The following DNAH7 variants were observed in gnomAD, a reference collection of about 807,000 sequenced individuals.
DNAH7 encodes the protein axonemal beta dynein heavy chain 7.
Under a neutral mutation model 444.6 loss-of-function variants are expected in DNAH7, and 397 were observed. The ratio of observed to expected loss-of-function variants is 0.89; its 90% CI spans 0.82 to 0.97. The LOEUF is 0.97. Ranked by LOEUF, DNAH7 falls within the 50% of genes least tolerant of loss-of-function variation. The pLI, the probability that DNAH7 is intolerant of heterozygous loss-of-function variation, is 0.00. For synonymous variants in DNAH7, 1,636 were observed against 1,624.4 expected (o/e 1.01, Z -0.17); for missense variants, 4,902 against 4,800.8 (o/e 1.02, Z -0.62).
intron 10 of DNAH7, among the ~76,000 whole-genome samples, chr2:196,009,737 G>GA (rs1188785251): frequency 2.0e-5 from 3 of 152,140 alleles, no homozygotes; most frequent in Admixed American, 2.0e-4. Context: ...TACAGAATGG[G>GA]AAAAAATGTT....
intron 36 of DNAH7, 123 bp from the exon 37 acceptor site, chr2:195,876,822 T>A (rs1165189718): frequency 4.5e-6 from 3 of 667,284 alleles, no homozygotes; most frequent in Non-Finnish European, 7.5e-6. Flanking sequence ...ATTGTACAAA[T>A]AGATGGAATC....
At chr2:195,845,994 G>T (rs1162287063) in intron 46 of DNAH7, among the ~76,000 whole-genome samples, 1 of 152,086 alleles carries the variant, frequency 6.6e-6, no homozygotes, top group Non-Finnish European at 1.5e-5. Context: ...CAACAAAAAC[G>T]AAAATTGACA....
At chr2:195,753,499 G>A (rs1399026001) in intron 63 of DNAH7, among the ~76,000 whole-genome samples, 1 of 152,168 alleles carries the variant, frequency 6.6e-6, no homozygotes, top group Non-Finnish European at 1.5e-5. Flanking sequence ...ATCCTAAATT[G>A]TTCCCTGTTG....
chr2:195,787,211 C>CAT, intron 57 of DNAH7, 40 bp from the exon 58 acceptor site: 2 of 1,546,150 alleles, frequency 1.3e-6, no homozygotes, highest in Non-Finnish European at 1.7e-6. Flanking sequence ...TTATTTTCTC[C>CAT]ATATATTGCA....
chr2:195,878,224 T>C (rs1006556465), intron 36 of DNAH7, among the ~76,000 whole-genome samples: 6 of 152,222 alleles, frequency 3.9e-5, no homozygotes, highest in African/African-American at 1.4e-4. Flanking sequence ...CACTGTATTA[T>C]AATATATTTT....
rs1700178185 is a variant in DNAH7, at chr2:195,864,110, A to G, written c.7506+39T>C. 3.2e-6 allele frequency: 5 copies of G among 1,583,108 alleles called. No homozygotes were observed. The South Asian group carries it at 3.4e-5, about 11-fold the overall frequency. On this transcript the variant is annotated intron_variant, in intron 41 of 64. Transcript: ENST00000312428. Reference sequence around the variant, plus strand: ...AAGTCATGATGATAGTGGAAATTCAACATTTCTAGAAGTCTATCTAAAATG... The same window carrying G: ...AAGTCATGATGATAGTGGAAATTCAGCATTTCTAGAAGTCTATCTAAAATG...
At chr2:196,019,942 CCCCTCCTCCTCCCCCTTCTTCTTT>C (rs1253120002) in intron 8 of DNAH7, among the ~76,000 whole-genome samples, 1 of 150,822 alleles carries the variant, frequency 6.6e-6, no homozygotes, top group African/African-American at 2.4e-5. Context: ...CCTCTCCCTC[CCCCTCCTCCTCCCCCTTCTTCTTT>C]CCCTCCTCCT....
chr2:195,856,331 G>C (rs1699703548), intron 44 of DNAH7, among the ~76,000 whole-genome samples: 1 of 152,144 alleles, frequency 6.6e-6, no homozygotes, highest in Admixed American at 6.6e-5. Flanking sequence ...ATGAGAAAGT[G>C]AGGTATCTTT....
At chr2:195,853,985 T>C (rs761843696) in intron 45 of DNAH7, among the ~76,000 whole-genome samples, 6 of 152,188 alleles carry the variant, frequency 3.9e-5, no homozygotes, top group Non-Finnish European at 8.8e-5. Context: ...CAAAGCACAA[T>C]TTTCAGGTTG....
intron 24 of DNAH7, among the ~76,000 whole-genome samples, chr2:195,915,853 C>T (rs188358357): frequency 1.2e-3 from 190 of 152,326 alleles, no homozygotes; most frequent in Non-Finnish European, 2.2e-3. Flanking sequence ...AGCTAGGCTA[C>T]ATTCTTCAAT....
chr2:196,068,475 G>C (rs1286567724), intron 1 of DNAH7: 3 of 609,192 alleles, frequency 4.9e-6, no homozygotes, highest in Non-Finnish European at 5.5e-6. Context: ...AGGCGGCTAG[G>C]TTTGGTTGTT....
chr2:195,887,261 G>A (rs543156414), intron 33 of DNAH7, among the ~76,000 whole-genome samples: 1 of 151,802 alleles, frequency 6.6e-6, no homozygotes. Flanking sequence ...TGACAATGCT[G>A]GAAAAAAAAC....
chr2:196,057,307 GA>G (rs753223801), intron 2 of DNAH7, among the ~76,000 whole-genome samples: 9 of 152,252 alleles, frequency 5.9e-5, no homozygotes, highest in Admixed American at 2.0e-4. Flanking sequence ...GACTAGAAGA[GA>G]TTATTCAACT....
In DNAH7 at chr2:195,871,834, G is replaced by T. The variant is rs1287836990; in HGVS notation, c.6633+416C>A. Reference sequence around the variant, plus strand: ...TAGTCCCAGCTACTTGGGAGGCTTAGGCAGGAGAATGGCGTGAACCCGGGA... The same window carrying T: ...TAGTCCCAGCTACTTGGGAGGCTTATGCAGGAGAATGGCGTGAACCCGGGA... On this transcript the variant is annotated intron_variant, in intron 40 of 64. Coordinates refer to ENST00000312428, the MANE Select transcript of DNAH7 (RefSeq NM_018897.3). 2.4e-4 allele frequency among the ~76,000 whole-genome samples: 27 copies of T among 114,018 alleles called. 1 individual carries two copies. Among genetic ancestry groups the T allele is most frequent in the Non-Finnish European group, 4.1e-4 (25 of 61,092 alleles). The allele number at this position is 114,018 out of a possible 152,430, so 74.8% of individuals were successfully genotyped here.
chr2:195,951,123 G>T (rs1178435419), intron 19 of DNAH7, among the ~76,000 whole-genome samples: 1 of 152,138 alleles, frequency 6.6e-6, no homozygotes, highest in South Asian at 2.1e-4. Flanking sequence ...GTATCCCAGA[G>T]ATTCTGGTAT....
At position 195,778,639 on chromosome 2, in the gene DNAH7, A is replaced by AAAT. The variant is rs1559089662; in HGVS notation, c.10879-655_10879-654insATT. On this transcript the variant is annotated intron_variant, in intron 58 of 64. Transcript: ENST00000312428. ...GTCTGAAAAAAAAAAAAAATAAATA[A>AAAT]ATAAATATATATATATATATATATA... is the stretch of plus-strand genomic sequence containing the variant. Among the ~76,000 whole-genome samples the AAAT allele has an allele frequency of 7.9e-4, 41 of 51,688 alleles. 3 individuals are homozygous for AAAT. Among genetic ancestry groups the AAAT allele is most frequent in the Admixed American group, 3.2e-3 (13 of 4,046 alleles). 33.9% of individuals were successfully genotyped at this position (51,688 alleles called of 152,430 possible). A position where few individuals can be genotyped will look rare whatever the true frequency, so the allele number is the denominator to read the frequency against.
intron 50 of DNAH7, among the ~76,000 whole-genome samples, chr2:195,817,330 T>G (rs1697274250): frequency 1.3e-5 from 2 of 152,238 alleles, no homozygotes; most frequent in African/African-American, 4.8e-5. Flanking sequence ...ATACAGATGT[T>G]ATGAGCAGAA....
chr2:195,799,880 T>C (rs912915867), intron 54 of DNAH7, among the ~76,000 whole-genome samples: 22 of 152,092 alleles, frequency 1.4e-4, no homozygotes, highest in African/African-American at 5.3e-4. Context: ...GATGTCACTG[T>C]GGAAAAGAAG....
At chr2:195,961,055 C>A in intron 17 of DNAH7, 110 bp from the exon 18 acceptor site, 3 of 864,052 alleles carry the variant, frequency 3.5e-6, no homozygotes, top group South Asian at 3.4e-5. Context: ...CCTTACTAAG[C>A]CCTGAAGTTA....
Sources: allele counts gnomAD v4.1 joint callset (sites outside exome capture counted in the v4.1 genomes callset), GRCh38; gene constraint gnomAD v4.1.1; transcripts MANE v1.5; gene names NCBI Gene and HGNC (gene_info 2026-07-23, HGNC 2026-07-21).